Variants in PCOLCE2 observed in about 807,000 individuals in gnomAD.
PCOLCE2 encodes the protein procollagen C-proteinase enhancer 2.
Under a neutral mutation model 47.0 loss-of-function variants are expected in PCOLCE2, and 42 were observed. The observed-to-expected ratio is 0.89, with a 90% CI of 0.70 to 1.16. The LOEUF (loss-of-function observed/expected upper bound fraction) is 1.16, where lower values mean the gene tolerates loss of function less well. Ranked by LOEUF, PCOLCE2 falls within the 50% of genes most tolerant of loss-of-function variation. The pLI, the probability that PCOLCE2 is intolerant of heterozygous loss-of-function variation, is 0.00. For synonymous variants in PCOLCE2, 169 were observed against 191.7 expected, an observed-to-expected ratio of 0.88 and a Z score of 0.98; for missense variants, 500 against 526.1, an observed-to-expected ratio of 0.95 and a Z score of 0.49.
In PCOLCE2 at chr3:142,818,229, C is replaced by G. The variant is rs7772; in HGVS notation, c.*106G>C. ...GTCAACCAGTCCCATCTTTCGGAAT[C>G]CTCTTTCAGAATATGTAATTTTATA... is the stretch of plus-strand genomic sequence containing the variant. On this transcript the variant is annotated 3_prime_UTR_variant, in exon 9 of 9. Coordinates refer to ENST00000295992, the MANE Select transcript of PCOLCE2 (RefSeq NM_013363.4). The G allele has an allele frequency of 0.23, 248,285 of 1,088,246 alleles. 30,331 individuals are homozygous for G. The highest frequency in any genetic ancestry group is 0.39 in the African/African-American group (24,120 of 62,396). 67.4% of individuals were successfully genotyped at this position (1,088,246 alleles called of 1,614,324 possible). A position where few individuals can be genotyped will look rare whatever the true frequency, so the allele number is the denominator to read the frequency against.
At chr3:142,827,061 T>G (rs1172364464) in intron 6 of PCOLCE2, 7 of 1,114,814 alleles carry the variant, frequency 6.3e-6, no homozygotes, top group African/African-American at 1.6e-5. Flanking sequence ...TACTTTTTTT[T>G]GGCATAAAGA....
intron 2 of PCOLCE2, among the ~76,000 whole-genome samples, chr3:142,869,016 G>T (rs996618272): frequency 1.3e-5 from 2 of 152,204 alleles, no homozygotes; most frequent in African/African-American, 4.8e-5. Context: ...CCTTGGCCGG[G>T]TGCGGTGGCT....
At chr3:142,847,060 G>C (rs1462297501) in intron 3 of PCOLCE2, among the ~76,000 whole-genome samples, 1 of 152,148 alleles carries the variant, frequency 6.6e-6, no homozygotes, top group Non-Finnish European at 1.5e-5. Flanking sequence ...TTATACTCTA[G>C]ATTCTGTTGT....
chr3:142,834,511 A>AT (rs1417875722), intron 5 of PCOLCE2, among the ~76,000 whole-genome samples: 14 of 152,134 alleles, frequency 9.2e-5, no homozygotes, highest in Admixed American at 5.9e-4. Flanking sequence ...TTTAAAATAA[A>AT]TTTTTTTCAA....
At chr3:142,858,445 T>C (rs1223106626) in intron 2 of PCOLCE2, among the ~76,000 whole-genome samples, 1 of 152,234 alleles carries the variant, frequency 6.6e-6, no homozygotes, top group African/African-American at 2.4e-5. Flanking sequence ...GTTTTGCAAA[T>C]CAACAAGTAT....
chr3:142,819,313 A>T (rs1348791062), intron 8 of PCOLCE2, among the ~76,000 whole-genome samples: 2 of 152,146 alleles, frequency 1.3e-5, no homozygotes, highest in Non-Finnish European at 2.9e-5. Context: ...GTATGGGTTA[A>T]TTCCTCCTTT....
At chr3:142,821,775 C>T (rs932775553) in intron 7 of PCOLCE2, among the ~76,000 whole-genome samples, 2 of 151,538 alleles carry the variant, frequency 1.3e-5, no homozygotes, top group South Asian at 2.1e-4. Flanking sequence ...TCCATCATGA[C>T]ACTCCGAGAA....
At chr3:142,865,673 G>A (rs1461127363) in intron 2 of PCOLCE2, among the ~76,000 whole-genome samples, 1 of 152,144 alleles carries the variant, frequency 6.6e-6, no homozygotes, top group African/African-American at 2.4e-5. Context: ...TAATATAAAA[G>A]AGTAAAAATT....
intron 2 of PCOLCE2, among the ~76,000 whole-genome samples, chr3:142,878,952 T>A (rs1933553639): frequency 6.6e-6 from 1 of 152,220 alleles, no homozygotes; most frequent in African/African-American, 2.4e-5. Flanking sequence ...CTGTTCCCTT[T>A]TTTACTGTCA....
At chr3:142,843,246 T>C in intron 3 of PCOLCE2, 198 bp from the exon 4 acceptor site, 1 of 659,766 alleles carries the variant, frequency 1.5e-6, no homozygotes, top group Admixed American at 2.1e-5. Flanking sequence ...CTTTGTTACC[T>C]GACATAGCAT....
intron 4 of PCOLCE2, among the ~76,000 whole-genome samples, 191 bp from the exon 5 acceptor site, chr3:142,839,097 A>C (rs1454082883): frequency 1.3e-5 from 2 of 152,142 alleles, no homozygotes; most frequent in Non-Finnish European, 2.9e-5. Context: ...TTTGCTTTTA[A>C]TTGTAATCTT....
chr3:142,865,107 TGA>T (rs1157330937), intron 2 of PCOLCE2, among the ~76,000 whole-genome samples: 1 of 152,176 alleles, frequency 6.6e-6, no homozygotes, highest in African/African-American at 2.4e-5. Flanking sequence ...CAGCAGTGTA[TGA>T]GAGTTTCAAC....
At chr3:142,834,742 C>CT (rs1238278011) in intron 5 of PCOLCE2, among the ~76,000 whole-genome samples, 10 of 151,994 alleles carry the variant, frequency 6.6e-5, no homozygotes, top group Non-Finnish European at 1.3e-4. Flanking sequence ...TTCAGCGTTT[C>CT]TTTTTTATCA....
intron 4 of PCOLCE2, among the ~76,000 whole-genome samples, chr3:142,840,115 G>A (rs1465067310): frequency 6.6e-6 from 1 of 152,206 alleles, no homozygotes; most frequent in Non-Finnish European, 1.5e-5. Flanking sequence ...ATTGATGGCA[G>A]TGTCTTCTTG....
intron 2 of PCOLCE2, among the ~76,000 whole-genome samples, chr3:142,867,024 T>C (rs1362779078): frequency 6.6e-6 from 1 of 152,162 alleles, no homozygotes; most frequent in Admixed American, 6.5e-5. Context: ...AGAAGCCACA[T>C]TTGCATAATA....
intron 3 of PCOLCE2, 123 bp from the exon 4 acceptor site, chr3:142,843,171 G>C (rs192487412): frequency 1.1e-5 from 10 of 924,346 alleles, no homozygotes; most frequent in Admixed American, 9.3e-5. Context: ...AACAGCAGAA[G>C]CGCTTACATT....
rs1937041066 is a variant in PCOLCE2, at chr3:142,823,621, T to C, written c.866-6A>G. The C allele has an allele frequency of 6.4e-7, 1 of 1,558,258 alleles. No individual in the cohort carries two copies. The highest frequency in any genetic ancestry group is 8.8e-7 in the Non-Finnish European group (1 of 1,131,950). On this transcript the variant is annotated splice_polypyrimidine_tract_variant and splice_region_variant and intron_variant, in intron 6 of 8. Transcript: ENST00000295992. Reference sequence around the variant, plus strand: ...GGCCACGGTGGGTTTTAAACCTTAATTCAAAGAAGACATAAGTTTCACGAA... The same window carrying C: ...GGCCACGGTGGGTTTTAAACCTTAACTCAAAGAAGACATAAGTTTCACGAA...
Position 142,863,252 on chromosome 3 carries a change from G to C in PCOLCE2, c.193-14780C>G, listed in dbSNP as rs12634880. 5.6e-3 allele frequency among the ~76,000 whole-genome samples: 846 copies of C among 152,288 alleles called. 11 individuals carry two copies. The highest frequency in any genetic ancestry group is 0.04 in the Admixed American group (611 of 15,296). ...AAAAAACATTGAAGATAGCTTCAGG[G>C]TTTCAAGCCCTGCAGGTACCATCCA... On this transcript the variant is annotated intron_variant, in intron 2 of 8. Coordinates refer to ENST00000295992, the MANE Select transcript of PCOLCE2 (RefSeq NM_013363.4).
intron 2 of PCOLCE2, among the ~76,000 whole-genome samples, chr3:142,851,449 G>A (rs1455206976): frequency 6.6e-6 from 1 of 152,160 alleles, no homozygotes; most frequent in African/African-American, 2.4e-5. Context: ...AAGGACAAGA[G>A]AGTTGAAGAC....
Sources: gnomAD v4.1 joint callset for allele counts (sites outside exome capture counted in the v4.1 genomes callset) on GRCh38, gnomAD v4.1.1 for gene constraint, MANE v1.5 for transcripts, NCBI Gene and HGNC (gene_info 2026-07-23, HGNC 2026-07-21) for gene names.